OXA1L: variants seen among roughly 807,000 people sequenced by gnomAD.
OXA1L encodes the protein OXA1L mitochondrial inner membrane insertase.
Under a neutral mutation model 52.2 loss-of-function variants are expected in OXA1L, and 42 were observed. That is an observed-to-expected ratio of 0.80 (90% CI 0.63 to 1.04). OXA1L has a LOEUF of 1.04. Among genes scored for constraint, OXA1L ranks in the 50% least tolerant of loss-of-function variants. OXA1L has a pLI of 0.00. For missense variants in OXA1L, 572 were observed against 555.0 expected (o/e 1.03, Z -0.31); for synonymous variants, 239 against 201.9 (o/e 1.18, Z -1.56).
rs981082025 is a variant in OXA1L, at chr14:22,771,787, C to T, written c.*229C>T. ...AGTTAGTAAACCTCTGTACTACATGCTGCTTCCTGATACTTATTGAACAGG... is the reference window on the plus strand; with the variant it reads ...AGTTAGTAAACCTCTGTACTACATGTTGCTTCCTGATACTTATTGAACAGG... On this transcript the variant is annotated 3_prime_UTR_variant, in exon 10 of 10. Transcript: ENST00000612549. The T allele has an allele frequency of 1.1e-5, 6 of 530,272 alleles. No individual in the cohort carries two copies. In the East Asian group the frequency reaches 1.9e-4, roughly 17 times the overall value. 32.8% of individuals were successfully genotyped at this position (530,272 alleles called of 1,614,324 possible).
Position 22,770,808 on chromosome 14 carries a change from G to A in OXA1L, c.838G>A (p.Gly280Ser). Reference sequence around the variant, plus strand: ...TCCACCCCACTTCTTTTGGCAGCTAGGTGCTGAGACAGGTGTGCAAAGTTC... The same window carrying A: ...TCCACCCCACTTCTTTTGGCAGCTAAGTGCTGAGACAGGTGTGCAAAGTTC... ...TATMWAVLEL[G>S]AETGVQSSDL... The change falls in exon 7 of 10, where the codon GGT (glycine) becomes AGT (serine). Residue 280 changes from glycine to serine, a missense_variant. Physicochemically the swap from Gly to Ser is moderately conservative, Grantham distance 56. Coordinates refer to ENST00000612549, the MANE Select transcript of OXA1L (RefSeq NM_005015.5). The A allele has an allele frequency of 6.2e-7, 1 of 1,613,906 alleles. No homozygotes were observed.
chr14:22,771,185 G>A lies in OXA1L; in HGVS notation c.1102+5G>A. On this transcript the variant is annotated splice_donor_5th_base_variant and intron_variant, in intron 8 of 9. Transcript: ENST00000612549. The stretch of plus-strand genomic sequence containing the variant: ...TCCTAGAGAGCTTCAAAAAAGGTAA[G>A]GGCTCATCCTCTGTGAAAAAGGACT... The A allele has an allele frequency of 1.2e-6, 2 of 1,613,778 alleles. No homozygotes were observed. Among genetic ancestry groups the A allele is most frequent in the Non-Finnish European group, 1.7e-6 (2 of 1,179,758 alleles).
rs780193313 is a variant in OXA1L at position 22,766,799 on chromosome 14, G to T, written c.63+35G>T. The T allele has an allele frequency of 2.5e-5, 40 of 1,612,278 alleles. 1 individual carries two copies. The South Asian group carries it at 4.1e-4, about 16-fold the overall frequency. On this transcript the variant is annotated intron_variant, in intron 1 of 9. Transcript: ENST00000612549. ...CCCCGGGGCAGAGCACCGGGATGCT[G>T]CCCTGACCCAGTGAACCAGGCCCCA... is the stretch of plus-strand genomic sequence containing the variant.
At chr14:22,767,142 C>T (rs149281348) in intron 1 of OXA1L, 106 bp from the exon 2 acceptor site, 1,821 of 1,530,076 alleles carry the variant, frequency 1.2e-3, no homozygotes, top group Non-Finnish European at 1.4e-3. Flanking sequence ...CCTGTAGTGG[C>T]CGAGCTGCCT....
Position 22,771,666 on chromosome 14 carries a change from C to A in OXA1L, c.*108C>A. On this transcript the variant is annotated 3_prime_UTR_variant, in exon 10 of 10. Transcript: ENST00000612549. ...CCCCAGTCCTAGGAACTGTGGCACACAGAGATGTTCATTTTAAAAACGGAT... is the reference window on the plus strand; with the variant it reads ...CCCCAGTCCTAGGAACTGTGGCACAAAGAGATGTTCATTTTAAAAACGGAT... 2.7e-6 allele frequency: 3 copies of A among 1,123,420 alleles called. No individual in the cohort carries two copies. The highest frequency in any genetic ancestry group is 1.5e-5 in the African/African-American group (1 of 64,784). 69.6% of individuals were successfully genotyped at this position (1,123,420 alleles called of 1,614,324 possible).
chr14:22,769,541 G>A (rs879373441), intron 3 of OXA1L, among the ~76,000 whole-genome samples: 1 of 152,176 alleles, frequency 6.6e-6, no homozygotes, highest in Non-Finnish European at 1.5e-5. Context: ...CTTTTTGTTT[G>A]AGGAAACAAA....
At position 22,772,948 on chromosome 14, in the gene OXA1L, C is replaced by A; in HGVS notation, c.*1390C>A. On this transcript the variant is annotated 3_prime_UTR_variant, in exon 10 of 10. Transcript: ENST00000612549. The stretch of plus-strand genomic sequence containing the variant: ...GAGGCTGCAGTGATCCAAGATCATG[C>A]TGCTATACTCCAGCCTTGGCTACAG... 4.6e-6 allele frequency: 1 copy of A among 218,970 alleles called. No homozygotes were observed. The highest frequency in any genetic ancestry group is 9.1e-6 in the Non-Finnish European group (1 of 109,446). The allele number at this position is 218,970 out of a possible 1,614,324, so 13.6% of individuals were successfully genotyped here. A position where few individuals can be genotyped will look rare whatever the true frequency, so the allele number is the denominator to read the frequency against.
chr14:22,767,008 C>A, intron 1 of OXA1L: 1 of 1,535,166 alleles, frequency 6.5e-7, no homozygotes, highest in Non-Finnish European at 8.7e-7. Context: ...GTTCTCAGGG[C>A]CCTCCGATGT....
chr14:22,770,709 C>T (rs2038451082), intron 6 of OXA1L, 84 bp downstream of exon 6: 7 of 1,548,318 alleles, frequency 4.5e-6, no homozygotes, highest in Middle Eastern at 1.7e-4. Flanking sequence ...GGTCATCCTT[C>T]ACTTGCTGGA....
At chr14:22,767,117 A>T in intron 1 of OXA1L, 131 bp from the exon 2 acceptor site, 1 of 1,535,444 alleles carries the variant, frequency 6.5e-7, no homozygotes, top group Non-Finnish European at 8.7e-7. Flanking sequence ...GCGCGCGGTG[A>T]TAGCAATGTC....
Position 22,766,774 on chromosome 14 carries a change from C to G in OXA1L, c.63+10C>G. Reference sequence around the variant, plus strand: ...ACAGTCCGGGCGTCGGGTAAGGATGCCCCGGGGCAGAGCACCGGGATGCTG... The same window carrying G: ...ACAGTCCGGGCGTCGGGTAAGGATGGCCCGGGGCAGAGCACCGGGATGCTG... On this transcript the variant is annotated intron_variant, in intron 1 of 9. Transcript: ENST00000612549. 1 of 1,613,928 alleles carries G rather than the reference C, an allele frequency of 6.2e-7. No individual in the cohort carries two copies. Among genetic ancestry groups the G allele is most frequent in the Non-Finnish European group, 8.5e-7 (1 of 1,179,966 alleles).
chr14:22,771,018 G>A lies in OXA1L; in HGVS notation c.940G>A (p.Ala314Thr), dbSNP rs368187089. 22 of 1,614,154 alleles carry A rather than the reference G, an allele frequency of 1.4e-5. No individual in the cohort carries two copies. Among genetic ancestry groups the A allele is most frequent in the East Asian group, 1.3e-4 (6 of 44,882 alleles). The stretch of plus-strand genomic sequence containing the variant: ...GTCCCTTCTCTGTGTTCTCACCCAG[G>A]CAGTGTTTATGTACTGGCTCTCCTC... Reference protein sequence around the residue: ...TLPITMHFPTAVFMYWLSSNL... With the variant: ...TLPITMHFPTTVFMYWLSSNL... Residue 314 changes from alanine (A) to threonine (T), a missense_variant and splice_region_variant, in exon 8 of 10, where the codon GCA becomes ACA. By Grantham distance (58) the Ala-to-Thr change is moderately conservative (BLOSUM62 0). This residue lies in a region of OXA1L where 244 missense variants were observed against 240.2 expected (regional missense o/e 1.02). Coordinates refer to ENST00000612549, the MANE Select transcript of OXA1L (RefSeq NM_005015.5).
At chr14:22,766,881 G>T (rs1465230194) in intron 1 of OXA1L, 117 bp downstream of exon 1, 8 of 1,552,992 alleles carry the variant, frequency 5.2e-6, no homozygotes, top group Non-Finnish European at 6.9e-6. Flanking sequence ...GGACCTGAAT[G>T]TCATGACCTC....
chr14:22,768,170 A>T lies in OXA1L; in HGVS notation c.438A>T (p.Ala146=). The T allele has an allele frequency of 3.1e-6, 5 of 1,611,482 alleles. No individual in the cohort carries two copies. The highest frequency in any genetic ancestry group is 4.2e-6 in the Non-Finnish European group (5 of 1,177,530). The change falls in exon 3 of 10, where the codon GCA becomes GCT. Residue 146 remains alanine, a splice_region_variant and synonymous_variant. Transcript: ENST00000612549. ...LGLPWWGAIA[A]CTVFARCLIF... ...TACCTTGGTGGGGGGCCATTGCTGC[A>T]TGTAAGGGGAATATACCCTGGACAT...
In OXA1L at chr14:22,771,537, C is replaced by G. The variant is rs1200490220; in HGVS notation, c.1287C>G (p.Pro429=). ...GCAGCAAACCAAAGTCAAAGTATCC[C>G]TGGCACGACACACTTGGCTGACTTA... The part of the protein sequence containing the change: ...SSSSKPKSKY[P]WHDTLG The change falls in exon 10 of 10, where the codon CCC becomes CCG. Residue 429 remains proline, a synonymous_variant. Transcript: ENST00000612549. 1.2e-6 allele frequency: 2 copies of G among 1,614,182 alleles called. No homozygotes were observed. The highest frequency in any genetic ancestry group is 1.7e-5 in the Admixed American group (1 of 60,008).
Position 22,767,081 on chromosome 14 carries a change from G to A in OXA1L, c.64-167G>A, listed in dbSNP as rs982012193. 4.6e-6 allele frequency: 7 copies of A among 1,536,548 alleles called. No individual in the cohort carries two copies. The Admixed American group carries it at 7.9e-5, about 17-fold the overall frequency. On this transcript the variant is annotated intron_variant, in intron 1 of 9. Transcript: ENST00000612549. The stretch of plus-strand genomic sequence containing the variant: ...GAGCTTCGCTCTGCAGGCACCACCC[G>A]CTGCATGCCTTCGGGCTAGCGGTCT...
chr14:22,768,830 G>A (rs2038432781), intron 3 of OXA1L: 1 of 152,394 alleles, frequency 6.6e-6, no homozygotes, highest in Non-Finnish European at 1.5e-5. Flanking sequence ...CATGCAAGGT[G>A]TAATAATCAC....
chr14:22,771,825 C>G lies in OXA1L; in HGVS notation c.*267C>G, dbSNP rs913742984. ...CTTATTGAACAGGGAAATCAGTGTG[C>G]ACTTCAGAAAACTGAAGAATACCCA... On this transcript the variant is annotated 3_prime_UTR_variant, in exon 10 of 10. Transcript: ENST00000612549. 13 of 388,780 alleles carry G rather than the reference C, an allele frequency of 3.3e-5. No homozygotes were observed. The highest frequency in any genetic ancestry group is 8.0e-5 in the Admixed American group (2 of 25,102). The allele number at this position is 388,780 out of a possible 1,614,324, so 24.1% of individuals were successfully genotyped here. A position where few individuals can be genotyped will look rare whatever the true frequency, so the allele number is the denominator to read the frequency against.
At position 22,772,621 on chromosome 14, in the gene OXA1L, T is replaced by C. The variant is rs1028127011; in HGVS notation, c.*1063T>C. 6.6e-6 allele frequency: 1 copy of C among 151,312 alleles called. No homozygotes were observed. The highest frequency in any genetic ancestry group is 2.4e-5 in the African/African-American group (1 of 41,000). 9.4% of individuals were successfully genotyped at this position (151,312 alleles called of 1,614,324 possible). A position where few individuals can be genotyped will look rare whatever the true frequency, so the allele number is the denominator to read the frequency against. On this transcript the variant is annotated 3_prime_UTR_variant, in exon 10 of 10. Transcript: ENST00000612549. ...TGAATGTTGAGATTGTATCTAAATA[T>C]AGTAACCGCACTTCTTGATCCCAAG...
Sources: allele counts gnomAD v4.1 joint callset (sites outside exome capture counted in the v4.1 genomes callset), GRCh38; gene constraint gnomAD v4.1.1; regional missense constraint gnomAD v4.1.1; transcripts MANE v1.5; gene names NCBI Gene and HGNC (gene_info 2026-07-23, HGNC 2026-07-21).